Variants in UGT1A1 observed in about 807,000 individuals in gnomAD.
The protein encoded by UGT1A1 is UDP glucuronosyltransferase family 1 member A1.
A neutral mutation model predicts 40.6 loss-of-function variants in UGT1A1; 33 were observed. The observed-to-expected ratio is 0.81, with a 90% CI of 0.62 to 1.09. The LOEUF (loss-of-function observed/expected upper bound fraction) is 1.09. Ranked by LOEUF, UGT1A1 falls within the 50% of genes least tolerant of loss-of-function variation. The probability of loss-of-function intolerance (pLI) is 0.00; values close to 1 mark genes in which losing one functional copy is unlikely to be tolerated. For missense variants in UGT1A1, 694 were observed against 671.2 expected (o/e 1.03, Z -0.38); for synonymous variants, 249 against 265.0 (o/e 0.94, Z 0.59).
In UGT1A1 at chr2:233,769,623, G is replaced by A. The variant is rs1699907575; in HGVS notation, c.1304+1184G>A. The A allele has an allele frequency of 6.2e-7, 1 of 1,612,212 alleles. No homozygotes were observed. Among genetic ancestry groups the A allele is most frequent in the Non-Finnish European group, 8.5e-7 (1 of 1,179,652 alleles). On this transcript the variant is annotated intron_variant, in intron 4 of 4. Transcript: ENST00000305208. This position sits in a 1 kb window ranked among gnomAD's most constrained non-coding sequence, Gnocchi z 4.4. Reference sequence around the variant, plus strand: ...ACGGGGACACACCAGCTTGAGCAAGGGACAACAGGGGAGGACTGATGACTG... The same window carrying A: ...ACGGGGACACACCAGCTTGAGCAAGAGACAACAGGGGAGGACTGATGACTG...
intron 1 of UGT1A1, among the ~76,000 whole-genome samples, chr2:233,761,810 G>A (rs147752655): frequency 5.2e-4 from 79 of 152,328 alleles, no homozygotes; most frequent in African/African-American, 1.8e-3. Context: ...GAAAAGAACA[G>A]GAGAGGCTCC....
Position 233,767,315 on chromosome 2 carries a change from T to C in UGT1A1, c.996+150T>C, listed in dbSNP as rs1407711365. 9 of 1,492,214 alleles carry C rather than the reference T, an allele frequency of 6.0e-6. No individual in the cohort carries two copies. The East Asian group carries it at 1.9e-4, about 32-fold the overall frequency. The allele number at this position is 1,492,214 out of a possible 1,614,324, so 92.4% of individuals were successfully genotyped here. A position where few individuals can be genotyped will look rare whatever the true frequency, so the allele number is the denominator to read the frequency against. The stretch of plus-strand genomic sequence containing the variant: ...ACTATTAATCCAAAGGTTTTTTTTG[T>C]TGTTGTGGTTGTTGTCATTGTTTTC... On this transcript the variant is annotated intron_variant, in intron 2 of 4. Coordinates refer to ENST00000305208, the MANE Select transcript of UGT1A1 (RefSeq NM_000463.3).
chr2:233,760,700 C>T lies in UGT1A1; in HGVS notation c.413C>T (p.Ala138Val). The change falls in exon 1 of 5, where the codon GCC (alanine) becomes GTC (valine). Residue 138 changes from alanine to valine, a missense_variant. By Grantham distance (64) the Ala-to-Val change is moderately conservative (BLOSUM62 0). Coordinates refer to ENST00000305208, the MANE Select transcript of UGT1A1 (RefSeq NM_000463.3). Reference sequence around the variant, plus strand: ...TTACTGCACAACAAGGAGCTCATGGCCTCCCTGGCAGAAAGCAGCTTTGAT... The same window carrying T: ...TTACTGCACAACAAGGAGCTCATGGTCTCCCTGGCAGAAAGCAGCTTTGAT... The part of the protein sequence containing the change: ...SHLLHNKELM[A>V]SLAESSFDVM... The T allele has an allele frequency of 2.5e-6, 4 of 1,614,194 alleles. No individual in the cohort carries two copies. Among genetic ancestry groups the T allele is most frequent in the Non-Finnish European group, 3.4e-6 (4 of 1,180,030 alleles).
chr2:233,769,857 C>CA lies in UGT1A1; in HGVS notation c.1304+1435dup, dbSNP rs879204025. On this transcript the variant is annotated intron_variant, in intron 4 of 4. Coordinates refer to ENST00000305208, the MANE Select transcript of UGT1A1 (RefSeq NM_000463.3). This position sits in a 1 kb window ranked among gnomAD's most constrained non-coding sequence, Gnocchi z 4.4. ...TGGGCAACAGAGTGAGACCCTGTCT[C>CA]AAAAAAAAAAAAAAAAATGAAAAGT... The CA allele has an allele frequency of 0.16, 34,791 of 223,900 alleles. 2,719 individuals are homozygous for CA. Among genetic ancestry groups the CA allele is most frequent in the African/African-American group, 0.37 (13,208 of 35,902 alleles). 13.9% of individuals were successfully genotyped at this position (223,900 alleles called of 1,614,324 possible).
intron 4 of UGT1A1, chr2:233,770,929 T>C (rs1212453952): frequency 6.6e-6 from 1 of 152,194 alleles, no homozygotes; most frequent in African/African-American, 2.4e-5. Context: ...CTGACATCAC[T>C]TGGCTGCCGG....
intron 3 of UGT1A1, 36 bp from the exon 4 acceptor site, chr2:233,768,184 T>A: frequency 6.2e-7 from 1 of 1,614,044 alleles, no homozygotes; most frequent in Non-Finnish European, 8.5e-7. Flanking sequence ...AACTCAGAGA[T>A]GTAACTGCTG....
chr2:233,763,586 T>C (rs1253183119), intron 1 of UGT1A1, among the ~76,000 whole-genome samples: 1 of 152,240 alleles, frequency 6.6e-6, no homozygotes, highest in Non-Finnish European at 1.5e-5. Flanking sequence ...TTTCTTCCTT[T>C]GTTAACTAAA....
chr2:233,767,013 A>C, intron 1 of UGT1A1, 21 bp from the exon 2 acceptor site: 3 of 1,613,858 alleles, frequency 1.9e-6, no homozygotes, highest in Non-Finnish European at 2.5e-6. Flanking sequence ...AATTAACTGA[A>C]AATTTTTCTT....
At chr2:233,765,838 T>A (rs1248201211) in intron 1 of UGT1A1, among the ~76,000 whole-genome samples, 1 of 152,108 alleles carries the variant, frequency 6.6e-6, no homozygotes, top group Non-Finnish European at 1.5e-5. Flanking sequence ...AAAACTTTCC[T>A]TGTCCCCCTC....
chr2:233,772,733 G>A lies in UGT1A1; in HGVS notation c.*174G>A, dbSNP rs1019873826. 7 of 1,442,156 alleles carry A rather than the reference G, an allele frequency of 4.9e-6. No homozygotes were observed. Among genetic ancestry groups the A allele is most frequent in the Non-Finnish European group, 6.4e-6 (7 of 1,099,298 alleles). The allele number at this position is 1,442,156 out of a possible 1,614,324, so 89.3% of individuals were successfully genotyped here. A position where few individuals can be genotyped will look rare whatever the true frequency, so the allele number is the denominator to read the frequency against. ...TTAAATAAAAATAATAGACTCGCTA[G>A]TCAGTAAAGATATTTGAATATGTAT... On this transcript the variant is annotated 3_prime_UTR_variant, in exon 5 of 5. Coordinates refer to ENST00000305208, the MANE Select transcript of UGT1A1 (RefSeq NM_000463.3).
rs1224727482 is a variant in UGT1A1, at chr2:233,769,496, T to C, written c.1304+1057T>C. 1 of 1,612,570 alleles carries C rather than the reference T, an allele frequency of 6.2e-7. No homozygotes were observed. The highest frequency in any genetic ancestry group is 8.5e-7 in the Non-Finnish European group (1 of 1,179,780). Reference sequence around the variant, plus strand: ...GTGTGTGTGCGTGTGTTTATGAGAGTGTCCATTGCTTTCTCCCATGGTTAC... The same window carrying C: ...GTGTGTGTGCGTGTGTTTATGAGAGCGTCCATTGCTTTCTCCCATGGTTAC... On this transcript the variant is annotated intron_variant, in intron 4 of 4. Coordinates refer to ENST00000305208, the MANE Select transcript of UGT1A1 (RefSeq NM_000463.3). The surrounding 1 kb of genome is among the most constrained non-coding windows in gnomAD (Gnocchi z 4.4).
intron 1 of UGT1A1, among the ~76,000 whole-genome samples, chr2:233,763,104 C>A (rs548930615): frequency 6.6e-6 from 1 of 152,314 alleles, no homozygotes; most frequent in East Asian, 1.9e-4. Flanking sequence ...AGGCACCGAA[C>A]TTTATCAGCT....
rs542225006 is a variant in UGT1A1 at position 233,769,560 on chromosome 2, G to A, written c.1304+1121G>A. 3.2e-5 allele frequency: 51 copies of A among 1,612,868 alleles called. No individual in the cohort carries two copies. The African/African-American group carries it at 6.7e-4, about 21-fold the overall frequency. The stretch of plus-strand genomic sequence containing the variant: ...AAGCAGCAGTCAGGAAGACAGATGT[G>A]AAGAGCTGGAGCATGTTCAGATGAG... On this transcript the variant is annotated intron_variant, in intron 4 of 4. Transcript: ENST00000305208. The surrounding 1 kb of genome is among the most constrained non-coding windows in gnomAD (Gnocchi z 4.4).
rs1260954458 is a variant in UGT1A1, at chr2:233,760,768, G to A, written c.481G>A (p.Ala161Thr). ...TTTCCTTCCTTGCAGCCCCATCGTG[G>A]CCCAGTACCTGTCTCTGCCCACTGT... is the stretch of plus-strand genomic sequence containing the variant. ...DPFLPCSPIV[A>T]QYLSLPTVFF... The change falls in exon 1 of 5, where the codon GCC becomes ACC. Residue 161 changes from alanine (A) to threonine (T), a missense_variant. Coordinates refer to ENST00000305208, the MANE Select transcript of UGT1A1 (RefSeq NM_000463.3). 3.1e-6 allele frequency: 5 copies of A among 1,613,838 alleles called. 1 individual carries two copies. The highest frequency in any genetic ancestry group is 3.4e-6 in the Non-Finnish European group (4 of 1,179,918).
chr2:233,767,737 C>A, intron 2 of UGT1A1, 112 bp from the exon 3 acceptor site: 1 of 1,571,400 alleles, frequency 6.4e-7, no homozygotes, highest in South Asian at 1.2e-5. Context: ...TCCTCCCACT[C>A]TGTTAAAGAC....
In UGT1A1 at chr2:233,772,329, G is replaced by T; in HGVS notation, c.1372G>T (p.Ala458Ser). The change falls in exon 5 of 5, where the codon GCC becomes TCC. Residue 458 changes from alanine to serine, a missense_variant. Coordinates refer to ENST00000305208, the MANE Select transcript of UGT1A1 (RefSeq NM_000463.3). Reference protein sequence around the residue: ...KDRPVEPLDLAVFWVEFVMRH... With the variant: ...KDRPVEPLDLSVFWVEFVMRH... ...CCGCCCGGTGGAGCCGCTGGACCTG[G>T]CCGTGTTCTGGGTGGAGTTTGTGAT... 6.2e-7 allele frequency: 1 copy of T among 1,614,164 alleles called. No individual in the cohort carries two copies. The highest frequency in any genetic ancestry group is 8.5e-7 in the Non-Finnish European group (1 of 1,180,030).
At position 233,767,086 on chromosome 2, in the gene UGT1A1, C is replaced by A. The variant is rs1169717734; in HGVS notation, c.917C>A (p.Ser306Tyr). 2 of 1,614,008 alleles carry A rather than the reference C, an allele frequency of 1.2e-6. No individual in the cohort carries two copies. Among genetic ancestry groups the A allele is most frequent in the Non-Finnish European group, 1.7e-6 (2 of 1,180,008 alleles). Residue 306 changes from serine (S) to tyrosine (Y), a missense_variant, in exon 2 of 5, where the codon TCT becomes TAT. Coordinates refer to ENST00000305208, the MANE Select transcript of UGT1A1 (RefSeq NM_000463.3). ...ASGEHGIVVF[S>Y]LGSMVSEIPE... ...GGAGAACATGGAATTGTGGTTTTCT[C>A]TTTGGGATCAATGGTCTCAGAAATT...
chr2:233,761,361 C>A (rs1202698678), intron 1 of UGT1A1, among the ~76,000 whole-genome samples: 1 of 152,198 alleles, frequency 6.6e-6, no homozygotes, highest in Non-Finnish European at 1.5e-5. Context: ...GGAAAGCATT[C>A]CTTGGACATT....
In UGT1A1 at chr2:233,760,301, C is replaced by A. The variant is rs1697391714; in HGVS notation, c.14C>A (p.Ser5Tyr). The part of the protein sequence containing the change: MAVE[S>Y]QGGRPLVLGL... ...AGCAAAGGCGCCATGGCTGTGGAGT[C>A]CCAGGGCGGACGCCCACTTGTCCTG... The change falls in exon 1 of 5, where the codon TCC becomes TAC. Residue 5 changes from serine (S) to tyrosine (Y), a missense_variant. Coordinates refer to ENST00000305208, the MANE Select transcript of UGT1A1 (RefSeq NM_000463.3). 1 of 1,613,532 alleles carries A rather than the reference C, an allele frequency of 6.2e-7. No homozygotes were observed. Among genetic ancestry groups the A allele is most frequent in the South Asian group, 1.1e-5 (1 of 91,034 alleles).
Sources: allele counts gnomAD v4.1 joint callset (sites outside exome capture counted in the v4.1 genomes callset), GRCh38; gene constraint gnomAD v4.1.1; non-coding constraint Gnocchi (gnomAD v3.1); transcripts MANE v1.5; gene names NCBI Gene and HGNC (gene_info 2026-07-23, HGNC 2026-07-21).